LIPC: variants seen among roughly 807,000 people sequenced by gnomAD.
LIPC encodes lipase C, hepatic type.
In LIPC, 44 loss-of-function variants were observed where a neutral mutation model predicts 50.7. That is an observed-to-expected ratio of 0.87 (90% CI 0.68 to 1.11). The LOEUF is 1.11. Ranked by LOEUF, LIPC falls within the 50% of genes most tolerant of loss-of-function variation. The pLI is 0.00. For synonymous variants in LIPC, 271 were observed against 256.4 expected (o/e 1.06, Z -0.54); for missense variants, 697 against 648.2 (o/e 1.08, Z -0.82).
intron 1 of LIPC, chr15:58,473,852 C>G (rs770816678): frequency 2.0e-5 from 3 of 152,552 alleles, no homozygotes; most frequent in Non-Finnish European, 2.9e-5. Flanking sequence ...CCAATAAGAT[C>G]AAGAGTCTTG....
chr15:58,444,990 G>A (rs552127527), intron 1 of LIPC, among the ~76,000 whole-genome samples: 2 of 152,346 alleles, frequency 1.3e-5, no homozygotes, highest in Admixed American at 1.3e-4. Flanking sequence ...AAAGTGAGTA[G>A]TAAGTCCACA....
At chr15:58,485,549 C>T (rs979975551) in intron 1 of LIPC, among the ~76,000 whole-genome samples, 3 of 138,674 alleles carry the variant, frequency 2.2e-5, no homozygotes, top group African/African-American at 5.3e-5. Context: ...TTCCTTCCTT[C>T]GACTGAAGAC....
Position 58,449,453 on chromosome 15 carries a change from T to C in LIPC, c.88+17333T>C, listed in dbSNP as rs1595857478. Reference sequence around the variant, plus strand: ...CAACACATGCTGGCCATTATTTGAGTCTCCTTGCTGCTTGGGACTGATTGC... The same window carrying C: ...CAACACATGCTGGCCATTATTTGAGCCTCCTTGCTGCTTGGGACTGATTGC... On this transcript the variant is annotated intron_variant, in intron 1 of 8. Transcript: ENST00000299022. Among the ~76,000 whole-genome samples the C allele has an allele frequency of 1.3e-5, 2 of 152,206 alleles. 1 individual carries two copies. The highest frequency in any genetic ancestry group is 4.2e-4 in the South Asian group (2 of 4,818).
chr15:58,566,012 T>A (rs1894353708), intron 8 of LIPC: 1 of 984,950 alleles, frequency 1.0e-6, no homozygotes, highest in Non-Finnish European at 1.2e-6. Context: ...AACGGTGTGG[T>A]CCATCCCAGG....
At chr15:58,538,775 C>T (rs1324194204) in intron 2 of LIPC, among the ~76,000 whole-genome samples, 2 of 152,148 alleles carry the variant, frequency 1.3e-5, no homozygotes, top group Non-Finnish European at 2.9e-5. Context: ...GGCCACACAG[C>T]CCATTGGGGC....
chr15:58,460,179 C>T (rs1894289747), intron 1 of LIPC, among the ~76,000 whole-genome samples: 1 of 152,206 alleles, frequency 6.6e-6, no homozygotes. Context: ...CTCAGGGCCT[C>T]GGCCCCACCC....
At chr15:58,455,593 TATTTC>T (rs1289222326) in intron 1 of LIPC, among the ~76,000 whole-genome samples, 6 of 152,344 alleles carry the variant, frequency 3.9e-5, no homozygotes, top group African/African-American at 1.4e-4. Context: ...AATGTGTCCT[TATTTC>T]ATTTTTGTCT....
chr15:58,538,792 G>A (rs934850964), intron 2 of LIPC, among the ~76,000 whole-genome samples: 8 of 152,194 alleles, frequency 5.3e-5, no homozygotes, highest in Admixed American at 4.6e-4. Context: ...GGGCCCACAA[G>A]GGATTGCAGT....
intron 1 of LIPC, among the ~76,000 whole-genome samples, chr15:58,479,002 G>A (rs1307450214): frequency 1.3e-5 from 2 of 152,208 alleles, no homozygotes; most frequent in Non-Finnish European, 2.9e-5. Flanking sequence ...GGGTCCACTG[G>A]ACTTTCAGAT....
chr15:58,434,448 G>A (rs1220183010), intron 1 of LIPC, among the ~76,000 whole-genome samples: 1 of 152,196 alleles, frequency 6.6e-6, no homozygotes, highest in Non-Finnish European at 1.5e-5. Flanking sequence ...GAGTAAGCTG[G>A]CAGTTAAGTG....
chr15:58,562,810 C>G (rs917966448), intron 7 of LIPC, among the ~76,000 whole-genome samples: 19 of 151,758 alleles, frequency 1.3e-4, no homozygotes, highest in Non-Finnish European at 1.3e-4. Flanking sequence ...AAGGGACCCC[C>G]CCCCAACCCC....
intron 1 of LIPC, among the ~76,000 whole-genome samples, chr15:58,498,341 G>A (rs1360207654): frequency 8.5e-5 from 13 of 152,160 alleles, no homozygotes; most frequent in Non-Finnish European, 1.9e-4. Flanking sequence ...AATTCCTGGT[G>A]ATGTTGCCGC....
chr15:58,467,792 A>T (rs1272765477), intron 1 of LIPC, among the ~76,000 whole-genome samples: 2 of 152,156 alleles, frequency 1.3e-5, no homozygotes, highest in African/African-American at 4.8e-5. Flanking sequence ...GGTATCCCTT[A>T]CATCAAATCC....
chr15:58,496,279 A>G (rs531283410), intron 1 of LIPC, among the ~76,000 whole-genome samples: 1 of 152,332 alleles, frequency 6.6e-6, no homozygotes, highest in South Asian at 2.1e-4. Context: ...CAGCCTTCAC[A>G]GTAGAATCAT....
rs900385367 is a variant in LIPC, at chr15:58,565,989, A to T, written c.1388+2266A>T. On this transcript the variant is annotated intron_variant, in intron 8 of 8. Transcript: ENST00000299022. Reference sequence around the variant, plus strand: ...AGGACCTAACCAGGAAAATAAGATGAATTAATTTTACTAACGGTGTGGTCC... The same window carrying T: ...AGGACCTAACCAGGAAAATAAGATGTATTAATTTTACTAACGGTGTGGTCC... 1.1e-5 allele frequency: 11 copies of T among 985,100 alleles called. No individual in the cohort carries two copies. The Admixed American group carries it at 5.5e-4, about 50-fold the overall frequency. 61.0% of individuals were successfully genotyped at this position (985,100 alleles called of 1,614,324 possible). A position where few individuals can be genotyped will look rare whatever the true frequency, so the allele number is the denominator to read the frequency against.
intron 1 of LIPC, among the ~76,000 whole-genome samples, chr15:58,442,961 G>A (rs1378893937): frequency 5.3e-5 from 8 of 152,228 alleles, no homozygotes; most frequent in Non-Finnish European, 1.2e-4. Context: ...TGCCCAGGCT[G>A]GAGTGCAGTG....
chr15:58,501,043 A>C (rs1252080214), intron 1 of LIPC, among the ~76,000 whole-genome samples: 2 of 151,986 alleles, frequency 1.3e-5, no homozygotes, highest in Non-Finnish European at 2.9e-5. Context: ...ATCACTGAGA[A>C]ACCTTAGCAA....
In LIPC at chr15:58,542,787, T is replaced by C. The variant is rs1351579729; in HGVS notation, c.574+136T>C. The C allele has an allele frequency of 8.9e-6, 6 of 670,724 alleles. No homozygotes were observed. The Admixed American group carries it at 1.2e-4, about 13-fold the overall frequency. 41.5% of individuals were successfully genotyped at this position (670,724 alleles called of 1,614,324 possible). A position where few individuals can be genotyped will look rare whatever the true frequency, so the allele number is the denominator to read the frequency against. Reference sequence around the variant, plus strand: ...GGATCAGCGCTCATGAGAGGACTTGTGACATTCTTTCAAACATGACCAATG... The same window carrying C: ...GGATCAGCGCTCATGAGAGGACTTGCGACATTCTTTCAAACATGACCAATG... On this transcript the variant is annotated intron_variant, in intron 4 of 8. Coordinates refer to ENST00000299022, the MANE Select transcript of LIPC (RefSeq NM_000236.3).
At chr15:58,432,167 T>G (rs933615635) in intron 1 of LIPC, 47 bp downstream of exon 1, 1 of 1,358,036 alleles carries the variant, frequency 7.4e-7, no homozygotes, top group Non-Finnish European at 1.1e-6. Flanking sequence ...CTTTTCTTTT[T>G]AAAACGTGTG....
Sources: gnomAD v4.1 joint callset for allele counts (sites outside exome capture counted in the v4.1 genomes callset) on GRCh38, gnomAD v4.1.1 for gene constraint, MANE v1.5 for transcripts, NCBI Gene and HGNC (gene_info 2026-07-23, HGNC 2026-07-21) for gene names.